TANC2: variants seen among roughly 807,000 people sequenced by gnomAD.
TANC2 encodes the protein protein TANC2.
Under a neutral mutation model 210.5 loss-of-function variants are expected in TANC2, and 26 were observed. The ratio of observed to expected loss-of-function variants is 0.12; its 90% CI spans 0.09 to 0.17. The LOEUF is 0.17. Among genes scored for constraint, TANC2 ranks in the 10% least tolerant of loss-of-function variants. The pLI is 1.00. For synonymous variants in TANC2, 931 were observed against 967.1 expected, an observed-to-expected ratio of 0.96 and a Z score of 0.69; for missense variants, 2,129 against 2,608.9, an observed-to-expected ratio of 0.82 and a Z score of 4.01.
At chr17:63,254,339 A>G (rs1433217413) in intron 8 of TANC2, among the ~76,000 whole-genome samples, 1 of 152,066 alleles carries the variant, frequency 6.6e-6, no homozygotes, top group African/African-American at 2.4e-5. Context: ...GTATCCTGCT[A>G]CTTTACTGAA....
chr17:63,064,714 A>T (rs1449867798), intron 2 of TANC2, among the ~76,000 whole-genome samples: 2 of 152,118 alleles, frequency 1.3e-5, no homozygotes, highest in East Asian at 3.8e-4. Context: ...GTCTCTGGAT[A>T]ATCTATTAAT....
chr17:63,078,700 G>C (rs973887010), intron 3 of TANC2, among the ~76,000 whole-genome samples: 2 of 152,062 alleles, frequency 1.3e-5, no homozygotes, highest in Non-Finnish European at 2.9e-5. Flanking sequence ...AAGTTTTTCA[G>C]ATATCTTTCT....
chr17:63,003,966 A>G (rs1165695926), intron 1 of TANC2, among the ~76,000 whole-genome samples: 2 of 152,072 alleles, frequency 1.3e-5, no homozygotes, highest in Non-Finnish European at 2.9e-5. Context: ...TATTTCAGGC[A>G]GGACATGGGC....
intron 9 of TANC2, among the ~76,000 whole-genome samples, chr17:63,300,855 C>T (rs566812315): frequency 5.9e-5 from 9 of 152,194 alleles, no homozygotes; most frequent in East Asian, 5.8e-4. Context: ...TGTCTTGTGC[C>T]GGTTTTCAAA....
intron 2 of TANC2, among the ~76,000 whole-genome samples, chr17:63,016,664 A>T (rs1256928158): frequency 2.0e-5 from 3 of 152,106 alleles, no homozygotes; most frequent in African/African-American, 7.2e-5. Context: ...TGCACACTTA[A>T]TATTCTTTCT....
chr17:63,190,389 T>C (rs939371432), intron 5 of TANC2, among the ~76,000 whole-genome samples: 1 of 152,202 alleles, frequency 6.6e-6, no homozygotes, highest in Non-Finnish European at 1.5e-5. Context: ...GTATTATTTC[T>C]GGACTCTTTA....
chr17:63,078,842 T>C (rs560224679), intron 3 of TANC2, among the ~76,000 whole-genome samples: 1 of 152,304 alleles, frequency 6.6e-6, no homozygotes, highest in South Asian at 2.1e-4. Context: ...CTGTGTGCGC[T>C]TTAAAAGAAA....
At chr17:63,269,012 C>T (rs2043615427) in intron 9 of TANC2, among the ~76,000 whole-genome samples, 1 of 152,156 alleles carries the variant, frequency 6.6e-6, no homozygotes, top group South Asian at 2.1e-4. Flanking sequence ...CTCCTCTTCA[C>T]CCCTTGTCCT....
At chr17:63,304,122 C>G (rs368907135) in intron 9 of TANC2, among the ~76,000 whole-genome samples, 2 of 152,172 alleles carry the variant, frequency 1.3e-5, no homozygotes, top group East Asian at 3.9e-4. Flanking sequence ...AGTTCTGCGC[C>G]CTTGCAGGAG....
At chr17:63,024,870 A>G (rs1178182558) in intron 2 of TANC2, among the ~76,000 whole-genome samples, 3 of 152,178 alleles carry the variant, frequency 2.0e-5, no homozygotes, top group Non-Finnish European at 4.4e-5. Flanking sequence ...CTAAACTGAG[A>G]CCTGGAAACT....
intron 2 of TANC2, among the ~76,000 whole-genome samples, chr17:63,069,863 G>A (rs936944289): frequency 6.6e-6 from 1 of 152,054 alleles, no homozygotes; most frequent in Non-Finnish European, 1.5e-5. Flanking sequence ...AAAGGAGTAG[G>A]TCCTCTACAG....
intron 7 of TANC2, among the ~76,000 whole-genome samples, chr17:63,209,435 TTTTG>T (rs947001288): frequency 2.6e-5 from 4 of 151,864 alleles, no homozygotes; most frequent in Non-Finnish European, 4.4e-5. Context: ...TGTTTGTTTG[TTTTG>T]TTTGTTTGTT....
intron 2 of TANC2, among the ~76,000 whole-genome samples, chr17:63,035,452 T>C (rs933417705): frequency 6.6e-6 from 1 of 152,226 alleles, no homozygotes; most frequent in Non-Finnish European, 1.5e-5. Context: ...GAGGTATGCC[T>C]GTGTATGACC....
At chr17:63,274,540 A>G (rs2043814098) in intron 9 of TANC2, among the ~76,000 whole-genome samples, 2 of 152,192 alleles carry the variant, frequency 1.3e-5, no homozygotes, top group African/African-American at 4.8e-5. Context: ...TAGGCTAGGC[A>G]TGGTGGCTCA....
chr17:63,324,675 C>T (rs1243388324), intron 11 of TANC2, among the ~76,000 whole-genome samples: 5 of 152,198 alleles, frequency 3.3e-5, no homozygotes, highest in Admixed American at 1.3e-4. Context: ...TTAACACTGA[C>T]GTTTTACTGT....
At chr17:63,249,116 T>C (rs1229191683) in intron 8 of TANC2, among the ~76,000 whole-genome samples, 2 of 152,172 alleles carry the variant, frequency 1.3e-5, no homozygotes, top group African/African-American at 4.8e-5. Context: ...TAGTACTGTT[T>C]GCTGAAAACA....
chr17:63,227,617 G>A (rs140000035), intron 7 of TANC2, among the ~76,000 whole-genome samples: 417 of 152,108 alleles, frequency 2.7e-3, no homozygotes, highest in Admixed American at 5.1e-3. Flanking sequence ...TTAATTAGAT[G>A]CCATTTGTTA....
chr17:63,096,746 C>T (rs970974761), intron 3 of TANC2, among the ~76,000 whole-genome samples: 6 of 152,028 alleles, frequency 3.9e-5, no homozygotes, highest in Non-Finnish European at 7.4e-5. Flanking sequence ...AACCTGTTTT[C>T]GTATCTTTGG....
At chr17:63,160,643 A>G (rs1470128995) in intron 5 of TANC2, among the ~76,000 whole-genome samples, 2 of 152,198 alleles carry the variant, frequency 1.3e-5, no homozygotes, top group Non-Finnish European at 2.9e-5. Context: ...GTTCATATCT[A>G]CCGTTATTTC....
Sources: gnomAD v4.1 joint callset for allele counts (sites outside exome capture counted in the v4.1 genomes callset) on GRCh38, gnomAD v4.1.1 for gene constraint, MANE v1.5 for transcripts, NCBI Gene and HGNC (gene_info 2026-07-23, HGNC 2026-07-21) for gene names.